Variants in CSMD1 observed in about 807,000 individuals in gnomAD.
CSMD1 encodes the protein CUB and Sushi multiple domains 1.
In CSMD1, 213 loss-of-function variants were observed where a neutral mutation model predicts 417.5. The ratio of observed to expected loss-of-function variants is 0.51; its 90% CI spans 0.46 to 0.57. The LOEUF is 0.57. Ranked by LOEUF, CSMD1 falls within the 20% of genes least tolerant of loss-of-function variation. The pLI, the probability that CSMD1 is intolerant of heterozygous loss-of-function variation, is 0.00. For missense variants in CSMD1, 6,923 were observed against 4,529.7 expected (o/e 1.53, Z -15.17); for synonymous variants, 2,862 against 1,736.8 (o/e 1.65, Z -16.11).
At chr8:3,998,664 T>C (rs1321386941) in intron 4 of CSMD1, among the ~76,000 whole-genome samples, 1 of 152,058 alleles carries the variant, frequency 6.6e-6, no homozygotes, top group Non-Finnish European at 1.5e-5. Context: ...AACAGTTACA[T>C]GAAACTTAAA....
At chr8:3,700,041 G>A (rs1455597516) in intron 7 of CSMD1, among the ~76,000 whole-genome samples, 2 of 152,160 alleles carry the variant, frequency 1.3e-5, no homozygotes, top group African/African-American at 4.8e-5. Flanking sequence ...GTAGAGATCA[G>A]AGAACAAAGT....
intron 3 of CSMD1, among the ~76,000 whole-genome samples, chr8:4,142,659 T>C (rs1017311055): frequency 9.9e-5 from 15 of 151,136 alleles, no homozygotes; most frequent in African/African-American, 3.5e-4. Flanking sequence ...CAGTAACTGA[T>C]TCTGGCCGTG....
chr8:3,566,240 G>A (rs1799702257), intron 10 of CSMD1, among the ~76,000 whole-genome samples: 1 of 152,102 alleles, frequency 6.6e-6, no homozygotes, highest in Non-Finnish European at 1.5e-5. Context: ...ATGAGAAAAA[G>A]GAGGATGAGG....
At chr8:3,072,844 C>A (rs1034567814) in intron 49 of CSMD1, among the ~76,000 whole-genome samples, 1 of 152,026 alleles carries the variant, frequency 6.6e-6, no homozygotes, top group African/African-American at 2.4e-5. Flanking sequence ...GTGTGGTGCC[C>A]ACTTTTCAGT....
At chr8:3,781,511 C>T (rs955899605) in intron 5 of CSMD1, among the ~76,000 whole-genome samples, 2 of 151,872 alleles carry the variant, frequency 1.3e-5, no homozygotes, top group Non-Finnish European at 2.9e-5. Flanking sequence ...GTTAGGTGTG[C>T]GATTGTGGAC....
chr8:3,596,635 A>AT (rs906433420), intron 8 of CSMD1, among the ~76,000 whole-genome samples: 36 of 152,102 alleles, frequency 2.4e-4, no homozygotes, highest in Middle Eastern at 3.4e-3. Flanking sequence ...AAACTTTGCA[A>AT]TTTTTTTTAT....
At chr8:4,506,944 A>G (rs1257377201) in intron 2 of CSMD1, among the ~76,000 whole-genome samples, 1 of 152,114 alleles carries the variant, frequency 6.6e-6, no homozygotes, top group African/African-American at 2.4e-5. Flanking sequence ...ATATAAGGAG[A>G]AAGGTGATCG....
chr8:3,628,220 G>C (rs1243377258), intron 7 of CSMD1, among the ~76,000 whole-genome samples: 1 of 152,202 alleles, frequency 6.6e-6, no homozygotes, highest in South Asian at 2.1e-4. Flanking sequence ...TTTAAAATTT[G>C]TGTTCTAATA....
In CSMD1 at chr8:3,861,932, A is replaced by C. The variant is rs76448856; in HGVS notation, c.819-107890T>G. 1.2e-3 allele frequency among the ~76,000 whole-genome samples: 183 copies of C among 152,260 alleles called. 3 individuals carry two copies. The East Asian group carries it at 0.031, about 26-fold the overall frequency. ...CATTCCAGGATTTCCTTGCTCCTGG[A>C]AAGTCAATCTTTGTACCCTGGTTTA... On this transcript the variant is annotated intron_variant, in intron 5 of 69. Coordinates refer to ENST00000635120, the MANE Select transcript of CSMD1 (RefSeq NM_033225.6).
intron 1 of CSMD1, among the ~76,000 whole-genome samples, chr8:4,978,744 C>A (rs1348503062): frequency 6.6e-6 from 1 of 152,094 alleles, no homozygotes; most frequent in African/African-American, 2.4e-5. Context: ...TCGAGACCAG[C>A]CTGGCCAACA....
In CSMD1 at chr8:4,969,838, C is replaced by G. The variant is rs566190946; in HGVS notation, c.85+24494G>C. ...TTTTTCTCAGGCAGTAGTGAATTTT[C>G]TCTCTCTTTACTTAAACAAGTAGGA... On this transcript the variant is annotated intron_variant, in intron 1 of 69. Coordinates refer to ENST00000635120, the MANE Select transcript of CSMD1 (RefSeq NM_033225.6). Among the ~76,000 whole-genome samples, 19 of 152,138 alleles carry G rather than the reference C, an allele frequency of 1.2e-4. No individual in the cohort carries two copies. In the South Asian group the frequency reaches 3.5e-3, roughly 28 times the overall value.
intron 3 of CSMD1, among the ~76,000 whole-genome samples, chr8:4,366,254 CT>C (rs56366201): frequency 6.6e-5 from 10 of 150,674 alleles, no homozygotes; most frequent in South Asian, 6.3e-4. Flanking sequence ...AGACGTGATT[CT>C]TTTTTTTTTC....
chr8:4,385,904 G>C (rs550912062), intron 3 of CSMD1, among the ~76,000 whole-genome samples: 100 of 152,282 alleles, frequency 6.6e-4, no homozygotes, highest in African/African-American at 1.9e-3. Flanking sequence ...CTCAGAACCA[G>C]TTCTCCAGGA....
At chr8:3,989,964 A>G (rs1814620061) in intron 5 of CSMD1, among the ~76,000 whole-genome samples, 1 of 152,232 alleles carries the variant, frequency 6.6e-6, no homozygotes, top group Non-Finnish European at 1.5e-5. Flanking sequence ...GAGAAACTCT[A>G]AATGAAGATA....
intron 3 of CSMD1, among the ~76,000 whole-genome samples, chr8:4,048,580 G>T (rs1232740285): frequency 1.3e-5 from 2 of 152,156 alleles, no homozygotes; most frequent in African/African-American, 4.8e-5. Flanking sequence ...AGGTGGTGTG[G>T]CTCCAGAGTT....
intron 5 of CSMD1, among the ~76,000 whole-genome samples, chr8:3,911,018 G>T (rs1180294973): frequency 1.3e-5 from 2 of 152,082 alleles, no homozygotes; most frequent in Non-Finnish European, 2.9e-5. Flanking sequence ...CTTATTCAGG[G>T]GCTGCCCAGC....
rs185193048 is a variant in CSMD1, at chr8:4,377,318, C to T, written c.415+42635G>A. Among the ~76,000 whole-genome samples, 320 of 152,254 alleles carry T rather than the reference C, an allele frequency of 2.1e-3. 4 individuals carry two copies. Among genetic ancestry groups the T allele is most frequent in the African/African-American group, 7.3e-3 (304 of 41,556 alleles). ...GAGGAGAAGTCACCACAGCCCAAAA[C>T]CTTGGTCGGGGGAGGCTTAGAGCTT... is the stretch of plus-strand genomic sequence containing the variant. On this transcript the variant is annotated intron_variant, in intron 3 of 69. Transcript: ENST00000635120.
At chr8:3,318,755 G>C (rs754868720) in intron 23 of CSMD1, among the ~76,000 whole-genome samples, 8 of 152,126 alleles carry the variant, frequency 5.3e-5, no homozygotes, top group Non-Finnish European at 1.2e-4. Flanking sequence ...TCCTTCTGCA[G>C]GGTTTCTGTG....
chr8:4,128,247 G>C (rs1410089816), intron 3 of CSMD1, among the ~76,000 whole-genome samples: 4 of 152,104 alleles, frequency 2.6e-5, no homozygotes, highest in Non-Finnish European at 5.9e-5. Flanking sequence ...TGGCTGACAG[G>C]TGCAATCCCG....
Sources: gnomAD v4.1 joint callset for allele counts (sites outside exome capture counted in the v4.1 genomes callset) on GRCh38, gnomAD v4.1.1 for gene constraint, MANE v1.5 for transcripts, NCBI Gene and HGNC (gene_info 2026-07-23, HGNC 2026-07-21) for gene names.